Variants in ASPRV1 observed in about 807,000 individuals in gnomAD.
The protein encoded by ASPRV1 is retroviral-like aspartic protease 1.
ASPRV1 carries 7 observed loss-of-function variants against 11.0 expected under a neutral mutation model. The ratio of observed to expected loss-of-function variants is 0.64; its 90% confidence interval spans 0.36 to 1.20. The LOEUF (loss-of-function observed/expected upper bound fraction) is 1.20, where lower values mean the gene tolerates loss of function less well. Ranked by LOEUF, ASPRV1 falls within the 50% of genes most tolerant of loss-of-function variation. The pLI is 0.02. For synonymous variants in ASPRV1, 136 were observed against 138.4 expected (o/e 0.98, Z 0.12); for missense variants, 299 against 320.0 (o/e 0.93, Z 0.50).
the ASPRV1 span, among the ~76,000 whole-genome samples, chr2:70,051,533 T>C: frequency 5.9e-5 from 9 of 152,228 alleles, no homozygotes; most frequent in South Asian, 4.1e-4. Flanking sequence ...GTGTTTATCA[T>C]AGAATGCTCA....
At chr2:69,933,510 A>G in the ASPRV1 span, among the ~76,000 whole-genome samples, 2 of 152,082 alleles carry the variant, frequency 1.3e-5, no homozygotes, top group African/African-American at 2.4e-5. Flanking sequence ...CTTACAAAAT[A>G]GTAAAGCCCT....
chr2:70,010,529 C>A, the ASPRV1 span, among the ~76,000 whole-genome samples: 233 of 152,210 alleles, frequency 1.5e-3, 1 homozygote, highest in South Asian at 2.5e-3. Context: ...GAGTGGCAGA[C>A]AACGAGGCCA....
chr2:69,944,945 T>C, the ASPRV1 span, among the ~76,000 whole-genome samples: 1 of 152,128 alleles, frequency 6.6e-6, no homozygotes, highest in African/African-American at 2.4e-5. Flanking sequence ...GTATTTACCG[T>C]ACATGACTTC....
the ASPRV1 span, among the ~76,000 whole-genome samples, chr2:69,944,513 C>G: frequency 6.6e-6 from 1 of 152,198 alleles, no homozygotes; most frequent in Non-Finnish European, 1.5e-5. Flanking sequence ...GCATTTTGCC[C>G]CAAACCCACA....
At chr2:70,051,963 A>G in the ASPRV1 span, among the ~76,000 whole-genome samples, 1 of 152,164 alleles carries the variant, frequency 6.6e-6, no homozygotes, top group Non-Finnish European at 1.5e-5. Context: ...TGACAGAGCG[A>G]GACCCTGTCT....
chr2:70,038,484 G>A, the ASPRV1 span, among the ~76,000 whole-genome samples: 1 of 152,184 alleles, frequency 6.6e-6, no homozygotes, highest in African/African-American at 2.4e-5. Flanking sequence ...GGAGGCTAAG[G>A]TGGGAGGATT....
At chr2:69,980,969 T>TAGA in the ASPRV1 span, among the ~76,000 whole-genome samples, 1 of 152,100 alleles carries the variant, frequency 6.6e-6, no homozygotes, top group Non-Finnish European at 1.5e-5. Context: ...AGAGATGGGG[T>TAGA]TTCTCCATTT....
the ASPRV1 span, among the ~76,000 whole-genome samples, chr2:70,005,740 C>T: frequency 2.6e-5 from 4 of 152,208 alleles, no homozygotes; most frequent in African/African-American, 9.6e-5. Context: ...TAGAGAATGA[C>T]AATCTATCCC....
the ASPRV1 span, among the ~76,000 whole-genome samples, chr2:70,068,701 G>A: frequency 6.6e-6 from 1 of 151,852 alleles, no homozygotes; most frequent in Admixed American, 6.6e-5. Flanking sequence ...AGGCCAAGGC[G>A]GGCGGATCAC....
downstream of ASPRV1, among the ~76,000 whole-genome samples, chr2:69,957,778 G>A (rs1043083928): frequency 6.6e-6 from 1 of 152,106 alleles, no homozygotes; most frequent in Admixed American, 6.5e-5. Context: ...TCCCAAGCCT[G>A]CTGCACTTTG....
At chr2:69,940,137 GAC>G in the ASPRV1 span, 1 of 147,440 alleles carries the variant, frequency 6.8e-6, no homozygotes, top group East Asian at 2.0e-4. Flanking sequence ...AGGGGCAGGT[GAC>G]ACAAAGGATT....
At chr2:69,974,725 C>A in the ASPRV1 span, among the ~76,000 whole-genome samples, 1 of 152,354 alleles carries the variant, frequency 6.6e-6, no homozygotes, top group South Asian at 2.1e-4. Flanking sequence ...CCTGGGGTGG[C>A]AGGAGTTGTG....
chr2:69,937,454 T>C, the ASPRV1 span: 4 of 962,590 alleles, frequency 4.2e-6, no homozygotes, highest in Non-Finnish European at 5.8e-6. Flanking sequence ...AGAGCAGGGG[T>C]TCAGTACTGC....
At chr2:69,941,416 C>T in the ASPRV1 span, 1 of 152,198 alleles carries the variant, frequency 6.6e-6, no homozygotes, top group East Asian at 1.9e-4. Context: ...TTTCTGTAGT[C>T]ACACACCTAA....
the ASPRV1 span, among the ~76,000 whole-genome samples, chr2:70,027,374 T>C: frequency 1.3e-5 from 2 of 151,564 alleles, no homozygotes; most frequent in Non-Finnish European, 1.5e-5. Context: ...ATCTACCATA[T>C]GATCCAGCAA....
downstream of ASPRV1, among the ~76,000 whole-genome samples, chr2:69,956,935 C>T (rs543586590): frequency 2.0e-5 from 3 of 152,200 alleles, no homozygotes; most frequent in Non-Finnish European, 4.4e-5. Context: ...GGCCAGGCGT[C>T]CTCAAAACTA....
the ASPRV1 span, among the ~76,000 whole-genome samples, chr2:70,035,927 C>T: frequency 6.6e-6 from 1 of 151,666 alleles, no homozygotes; most frequent in African/African-American, 2.4e-5. Context: ...AGTCAATATG[C>T]TTTTACTGTA....
chr2:69,960,602 C>A lies in ASPRV1; in HGVS notation c.*55G>T, dbSNP rs75427851. The stretch of plus-strand genomic sequence containing the variant: ...CCCCCATGAGGATATGCAACCCCCC[C>A]CACAGCGGTGGGTCTTCCCACCAAT... On this transcript the variant is annotated 3_prime_UTR_variant, in exon 1 of 1. Transcript: ENST00000320256. 9.1e-3 allele frequency: 13,883 copies of A among 1,528,804 alleles called. 361 individuals carry two copies. The highest frequency in any genetic ancestry group is 0.08 in the East Asian group (3,552 of 44,312). The allele number at this position is 1,528,804 out of a possible 1,614,324, so 94.7% of individuals were successfully genotyped here.
the ASPRV1 span, among the ~76,000 whole-genome samples, chr2:70,015,235 G>C: frequency 1.3e-5 from 2 of 152,294 alleles, no homozygotes; most frequent in Non-Finnish European, 1.5e-5. Context: ...AAACCAAAGA[G>C]AGCAGGGGTA....
Sources: gnomAD v4.1 joint callset for allele counts (sites outside exome capture counted in the v4.1 genomes callset) on GRCh38, gnomAD v4.1.1 for gene constraint, MANE v1.5 for transcripts, NCBI Gene and HGNC (gene_info 2026-07-23, HGNC 2026-07-21) for gene names.